Variants in IFT46 observed in about 807,000 individuals in gnomAD.
IFT46 encodes intraflagellar transport 46, also known as intraflagellar transport protein 46 homolog.
Under a neutral mutation model 39.6 loss-of-function variants are expected in IFT46, and 19 were observed. That is an observed-to-expected ratio of 0.48 (90% CI 0.33 to 0.70). The LOEUF (loss-of-function observed/expected upper bound fraction) is 0.70. Among genes scored for constraint, IFT46 ranks in the 30% least tolerant of loss-of-function variants. The pLI, the probability that IFT46 is intolerant of heterozygous loss-of-function variation, is 0.01. For synonymous variants in IFT46, 117 were observed against 134.8 expected (o/e 0.87, Z 0.91); for missense variants, 334 against 364.8 (o/e 0.92, Z 0.69).
chr11:118,554,875 A>G (rs1305442789), intron 6 of IFT46, 115 bp downstream of exon 6: 8 of 807,206 alleles, frequency 9.9e-6, no homozygotes, highest in African/African-American at 5.2e-5. Flanking sequence ...AAGAACTCCA[A>G]TGAAATGAAC....
chr11:118,555,090 G>T lies in IFT46; in HGVS notation c.261-7C>A. The T allele has an allele frequency of 6.2e-7, 1 of 1,605,816 alleles. No homozygotes were observed. Among genetic ancestry groups the T allele is most frequent in the Non-Finnish European group, 8.5e-7 (1 of 1,172,506 alleles). ...AATCAACTGAGGTGTGTACCTAGGA[G>T]ATATTGCCAAGGGAAGGTGGAGACA... On this transcript the variant is annotated splice_region_variant and splice_polypyrimidine_tract_variant and intron_variant, in intron 5 of 11. Transcript: ENST00000264021.
At chr11:118,561,360 A>G (rs1938049208) in intron 2 of IFT46, 1 of 885,438 alleles carries the variant, frequency 1.1e-6, no homozygotes, top group Non-Finnish European at 1.9e-6. Context: ...CAGTTCTCTC[A>G]ATGCATAAAG....
chr11:118,576,198 A>T (rs2135531569), upstream of IFT46, among the ~76,000 whole-genome samples: 1 of 152,154 alleles, frequency 6.6e-6, no homozygotes, highest in East Asian at 1.9e-4. Context: ...CATGTAGTTA[A>T]GTCTGTGTAG....
chr11:118,553,439 CAAA>C (rs34453997), intron 7 of IFT46, among the ~76,000 whole-genome samples: 3 of 89,866 alleles, frequency 3.3e-5, no homozygotes, highest in Non-Finnish European at 2.4e-5. Flanking sequence ...AAAACTGTCT[CAAA>C]AAAAAAAAAA....
chr11:118,571,198 A>G (rs955535308), intron 1 of IFT46, among the ~76,000 whole-genome samples: 1 of 152,210 alleles, frequency 6.6e-6, no homozygotes, highest in Admixed American at 6.5e-5. Context: ...ATGGAATCAT[A>G]TATGAGTGCC....
rs553612387 is a variant in IFT46 at position 118,546,056 on chromosome 11, T to C, written c.673-203A>G. 6.6e-5 allele frequency: 47 copies of C among 713,372 alleles called. No individual in the cohort carries two copies. In the African/African-American group the frequency reaches 6.7e-4, roughly 10 times the overall value. 44.2% of individuals were successfully genotyped at this position (713,372 alleles called of 1,614,324 possible). ...TTTGGAGATAACATCTTTAAAGAGATAATTAAATTAAAACAAGGTCATTAG... is the reference window on the plus strand; with the variant it reads ...TTTGGAGATAACATCTTTAAAGAGACAATTAAATTAAAACAAGGTCATTAG... On this transcript the variant is annotated intron_variant, in intron 9 of 11. Coordinates refer to ENST00000264021, the MANE Select transcript of IFT46 (RefSeq NM_001168618.2).
chr11:118,546,305 C>G, intron 9 of IFT46: 1 of 615,528 alleles, frequency 1.6e-6, no homozygotes, highest in South Asian at 2.0e-5. Flanking sequence ...CGAGACCAGC[C>G]TGGGCAACAT....
At chr11:118,574,608 T>TA (rs1938440769), upstream of IFT46, among the ~76,000 whole-genome samples, 1 of 152,212 alleles carries the variant, frequency 6.6e-6, no homozygotes, top group Non-Finnish European at 1.5e-5. Context: ...ATTGATTTTT[T>TA]AAAAAATAAA....
At chr11:118,570,323 G>A (rs1273220115), upstream of IFT46, among the ~76,000 whole-genome samples, 3 of 151,448 alleles carry the variant, frequency 2.0e-5, no homozygotes, top group Non-Finnish European at 2.9e-5. Flanking sequence ...GCCTCCCAAA[G>A]TGCTGGGATT....
chr11:118,574,012 T>C (rs1555072992), upstream of IFT46, among the ~76,000 whole-genome samples: 1 of 152,236 alleles, frequency 6.6e-6, no homozygotes, highest in Non-Finnish European at 1.5e-5. Flanking sequence ...AGGTAATCTT[T>C]CTAAAAATAT....
chr11:118,569,448 GA>G (rs575225754), upstream of IFT46, among the ~76,000 whole-genome samples: 40 of 151,304 alleles, frequency 2.6e-4, no homozygotes, highest in Non-Finnish European at 4.3e-4. Flanking sequence ...TTTTTTTAAT[GA>G]AAAAAAACTT....
At chr11:118,569,146 G>A (rs980423735), upstream of IFT46, among the ~76,000 whole-genome samples, 28 of 151,438 alleles carry the variant, frequency 1.8e-4, no homozygotes, top group African/African-American at 6.5e-4. Flanking sequence ...AGGCGTGGTC[G>A]TCCATGCCTG....
chr11:118,545,316 A>G lies in IFT46; in HGVS notation c.819+93T>C. ...AGGTAACTGGGCAGAGACATCCTAC[A>G]TCGCTATAGGATGCAATCACAGCAG... On this transcript the variant is annotated intron_variant, in intron 11 of 11. Transcript: ENST00000264021. The G allele has an allele frequency of 3.2e-5, 30 of 939,498 alleles. 1 individual carries two copies. In the South Asian group the frequency reaches 3.7e-4, roughly 12 times the overall value. The allele number at this position is 939,498 out of a possible 1,614,324, so 58.2% of individuals were successfully genotyped here. A position where few individuals can be genotyped will look rare whatever the true frequency, so the allele number is the denominator to read the frequency against.
intron 2 of IFT46, chr11:118,560,084 A>G (rs1465898100): frequency 1.9e-6 from 1 of 520,708 alleles, no homozygotes; most frequent in East Asian, 3.4e-5. Flanking sequence ...TGGGTTAGAC[A>G]TTATACTATT....
chr11:118,555,484 T>A, intron 4 of IFT46, 162 bp from the exon 5 acceptor site: 1 of 586,442 alleles, frequency 1.7e-6, no homozygotes, highest in Non-Finnish European at 3.1e-6. Context: ...AACTTTAAGG[T>A]TGATTGTACT....
chr11:118,560,680 G>C (rs149585108), intron 2 of IFT46: 2 of 563,604 alleles, frequency 3.5e-6, no homozygotes, highest in Non-Finnish European at 6.5e-6. Context: ...GCGGGTCTCT[G>C]TTCCGCAGAA....
chr11:118,575,204 T>A (rs1182020988), upstream of IFT46, among the ~76,000 whole-genome samples: 2 of 152,182 alleles, frequency 1.3e-5, no homozygotes, highest in Non-Finnish European at 2.9e-5. Context: ...AGTCTCGATC[T>A]CCTCACCTCG....
chr11:118,561,338 G>A, intron 2 of IFT46: 1 of 965,976 alleles, frequency 1.0e-6, no homozygotes, highest in Non-Finnish European at 1.7e-6. Flanking sequence ...AGATGAAGAT[G>A]CTTACAAGAA....
At position 118,545,421 on chromosome 11, in the gene IFT46, G is replaced by C. The variant is rs906206743; in HGVS notation, c.807C>G (p.Phe269Leu). Reference protein sequence around the residue: ...LHLLFSLYSEFKNSQHFKALA... With the variant: ...LHLLFSLYSELKNSQHFKALA... ...ATGCTTGGCTCACCTGTGAGTTCTT[G>C]AATTCTGAGTAGAGGGAAAAGAGCA... The change falls in exon 11 of 12, where the codon TTC becomes TTG. Residue 269 changes from phenylalanine (F) to leucine (L), a missense_variant. Phe to Leu is a conservative substitution (Grantham distance 22). Coordinates refer to ENST00000264021, the MANE Select transcript of IFT46 (RefSeq NM_001168618.2). The C allele has an allele frequency of 6.2e-7, 1 of 1,611,806 alleles. No homozygotes were observed. Among genetic ancestry groups the C allele is most frequent in the Non-Finnish European group, 8.5e-7 (1 of 1,177,938 alleles).
Sources: gnomAD v4.1 joint callset for allele counts (sites outside exome capture counted in the v4.1 genomes callset) on GRCh38, gnomAD v4.1.1 for gene constraint, MANE v1.5 for transcripts, NCBI Gene and HGNC (gene_info 2026-07-23, HGNC 2026-07-21) for gene names.